The following PCDHGB1 variants were observed in gnomAD, a reference collection of about 807,000 sequenced individuals.
PCDHGB1 encodes the protein protocadherin gamma-B1.
A neutral mutation model predicts 56.6 loss-of-function variants in PCDHGB1; 34 were observed. The observed-to-expected ratio is 0.60, with a 90% confidence interval of 0.46 to 0.80. The LOEUF (loss-of-function observed/expected upper bound fraction) is 0.80. Ranked by LOEUF, PCDHGB1 falls within the 30% of genes least tolerant of loss-of-function variation. PCDHGB1 has a pLI of 0.00. For synonymous variants in PCDHGB1, 561 were observed against 505.9 expected (o/e 1.11, Z -1.46); for missense variants, 1,278 against 1,204.6 (o/e 1.06, Z -0.90).
intron 1 of PCDHGB1, among the ~76,000 whole-genome samples, chr5:141,359,677 A>G (rs1169406824): frequency 6.6e-6 from 1 of 152,110 alleles, no homozygotes; most frequent in Non-Finnish European, 1.5e-5. Flanking sequence ...CCGTTGCCCT[A>G]TACAAGACAT....
At chr5:141,453,989 A>T (rs902043628) in intron 1 of PCDHGB1, among the ~76,000 whole-genome samples, 6 of 152,256 alleles carry the variant, frequency 3.9e-5, no homozygotes, top group African/African-American at 1.4e-4. Context: ...CCTTCCAGTG[A>T]TAAACCCACA....
rs778323048 is a variant in PCDHGB1, at chr5:141,357,701, A to G, written c.2409+5032A>G. ...GTAAATGTCTCTCATTTTATATGTA[A>G]TATATCAAATAAAGTTGCCTCTTTT... On this transcript the variant is annotated intron_variant, in intron 1 of 3. Transcript: ENST00000523390. 15 of 1,500,732 alleles carry G rather than the reference A, an allele frequency of 1.0e-5. No homozygotes were observed. The East Asian group carries it at 3.3e-4, about 33-fold the overall frequency. The allele number at this position is 1,500,732 out of a possible 1,614,324, so 93.0% of individuals were successfully genotyped here. A position where few individuals can be genotyped will look rare whatever the true frequency, so the allele number is the denominator to read the frequency against.
At chr5:141,407,336 G>C (rs1005803062) in intron 1 of PCDHGB1, among the ~76,000 whole-genome samples, 1 of 152,124 alleles carries the variant, frequency 6.6e-6, no homozygotes, top group South Asian at 2.1e-4. Context: ...ATATTGAAAT[G>C]TATGTTAATT....
chr5:141,423,562 A>C (rs374427537), intron 1 of PCDHGB1: 1 of 1,613,612 alleles, frequency 6.2e-7, no homozygotes, highest in African/African-American at 1.3e-5. Context: ...CTATGGGGAC[A>C]CGCTCATCAG....
Position 141,487,106 on chromosome 5 carries a change from A to G in PCDHGB1, c.2410-7701A>G, listed in dbSNP as rs777727830. ...TGACCTCCCACCACAGAAGCTGGTC[A>G]TTGTGGTAAAGGATAGTGGTAGTCC... On this transcript the variant is annotated intron_variant, in intron 1 of 3. Transcript: ENST00000523390. The surrounding 1 kb of genome is among the most constrained non-coding windows in gnomAD (Gnocchi z 5.0). 1 of 1,613,902 alleles carries G rather than the reference A, an allele frequency of 6.2e-7. No individual in the cohort carries two copies. The highest frequency in any genetic ancestry group is 1.3e-5 in the African/African-American group (1 of 75,028).
At chr5:141,413,956 G>C in intron 1 of PCDHGB1, 11 of 1,613,484 alleles carry the variant, frequency 6.8e-6, no homozygotes, top group Non-Finnish European at 9.3e-6. Context: ...GAATTTGCCT[G>C]TGGGCACTCA....
At chr5:141,497,050 G>T (rs113054804) in intron 2 of PCDHGB1, among the ~76,000 whole-genome samples, 5,544 of 152,084 alleles carry the variant, frequency 0.036, 137 homozygotes, top group South Asian at 0.074. Context: ...TTAGCCAGGC[G>T]TGGTGGCAGG....
rs200533514 is a variant in PCDHGB1 at position 141,476,315 on chromosome 5, C to T, written c.2410-18492C>T. On this transcript the variant is annotated intron_variant, in intron 1 of 3. Transcript: ENST00000523390. This position sits in a 1 kb window ranked among gnomAD's most constrained non-coding sequence, Gnocchi z 7.6. The stretch of plus-strand genomic sequence containing the variant: ...CGGTAGCCTCTCAGCCCGCAGGTTC[C>T]GGGTGGTGTCTGGAGCTAGCCGAAG... 264 of 1,613,910 alleles carry T rather than the reference C, an allele frequency of 1.6e-4. No homozygotes were observed. The highest frequency in any genetic ancestry group is 2.1e-4 in the Non-Finnish European group (248 of 1,180,024).
chr5:141,435,467 G>A (rs1019246812), intron 1 of PCDHGB1, among the ~76,000 whole-genome samples: 3 of 152,146 alleles, frequency 2.0e-5, no homozygotes, highest in Non-Finnish European at 2.9e-5. Context: ...GTGTTTCCAA[G>A]TTAGACATTT....
chr5:141,390,097 C>T, intron 1 of PCDHGB1: 1 of 1,614,026 alleles, frequency 6.2e-7, no homozygotes, highest in Non-Finnish European at 8.5e-7. Context: ...TCCGTGGTTC[C>T]CCCCAACTAC....
intron 1 of PCDHGB1, chr5:141,377,698 A>G (rs1274163537): frequency 6.6e-6 from 1 of 152,230 alleles, no homozygotes; most frequent in Non-Finnish European, 1.5e-5. Context: ...TTTACTACTT[A>G]GGAATCAAAA....
chr5:141,455,254 G>T (rs936599726), intron 1 of PCDHGB1, among the ~76,000 whole-genome samples: 3 of 151,732 alleles, frequency 2.0e-5, no homozygotes, highest in African/African-American at 7.3e-5. Context: ...TAGTACAATC[G>T]CATTTCTTCC....
Position 141,486,567 on chromosome 5 carries a change from C to T in PCDHGB1, c.2410-8240C>T, listed in dbSNP as rs1562113360. On this transcript the variant is annotated intron_variant, in intron 1 of 3. Transcript: ENST00000523390. The surrounding 1 kb of genome is among the most constrained non-coding windows in gnomAD (Gnocchi z 5.0). ...CAGAGGTCACATGAGGTGTTTGTTCCTGAGAACAATCGCCCAGGGGACCTG... is the reference window on the plus strand; with the variant it reads ...CAGAGGTCACATGAGGTGTTTGTTCTTGAGAACAATCGCCCAGGGGACCTG... The T allele has an allele frequency of 6.2e-7, 1 of 1,613,918 alleles. No homozygotes were observed. The highest frequency in any genetic ancestry group is 8.5e-7 in the Non-Finnish European group (1 of 1,179,986).
Position 141,399,184 on chromosome 5 carries a change from C to T in PCDHGB1, c.2409+46515C>T, listed in dbSNP as rs1398440525. The T allele has an allele frequency of 1.9e-6, 3 of 1,613,746 alleles. No individual in the cohort carries two copies. In the African/African-American group the frequency reaches 4.0e-5, roughly 22 times the overall value. On this transcript the variant is annotated intron_variant, in intron 1 of 3. Coordinates refer to ENST00000523390, the MANE Select transcript of PCDHGB1 (RefSeq NM_018922.3). The stretch of plus-strand genomic sequence containing the variant: ...ATTCCATTCTCTACTTGAAATGATT[C>T]TGGAAAACGCGGTGCCTGGAACACT...
At chr5:141,402,912 G>T (rs373067478) in intron 1 of PCDHGB1, 319 of 1,553,994 alleles carry the variant, frequency 2.1e-4, no homozygotes, top group East Asian at 2.5e-4. Flanking sequence ...GAAGCAGCGC[G>T]CACAGAGATC....
In PCDHGB1 at chr5:141,357,783, T is replaced by G. The variant is rs148673110; in HGVS notation, c.2409+5114T>G. 4.8e-3 allele frequency: 4,076 copies of G among 849,618 alleles called. 24 individuals carry two copies. The highest frequency in any genetic ancestry group is 0.011 in the Admixed American group (355 of 33,800). 52.6% of individuals were successfully genotyped at this position (849,618 alleles called of 1,614,324 possible). A position where few individuals can be genotyped will look rare whatever the true frequency, so the allele number is the denominator to read the frequency against. ...ATGACCTTCCAATAATGATCAACAG[T>G]ATTTACCACACAAAAATGTTGTTTA... On this transcript the variant is annotated intron_variant, in intron 1 of 3. Transcript: ENST00000523390.
intron 1 of PCDHGB1, chr5:141,395,039 T>A: frequency 6.2e-7 from 1 of 1,614,020 alleles, no homozygotes; most frequent in Non-Finnish European, 8.5e-7. Context: ...ATTTTGTGGG[T>A]GTTGAGGAGG....
At chr5:141,454,685 C>A (rs1305853379) in intron 1 of PCDHGB1, among the ~76,000 whole-genome samples, 1 of 151,844 alleles carries the variant, frequency 6.6e-6, no homozygotes, top group Non-Finnish European at 1.5e-5. Context: ...GGATTACAGG[C>A]ATGAGCCACC....
intron 1 of PCDHGB1, chr5:141,383,506 G>A: frequency 6.2e-7 from 1 of 1,612,872 alleles, no homozygotes; most frequent in Non-Finnish European, 8.5e-7. Flanking sequence ...GCTGGACCGG[G>A]AGGAAGAGCG....
Sources: allele counts gnomAD v4.1 joint callset (sites outside exome capture counted in the v4.1 genomes callset), GRCh38; gene constraint gnomAD v4.1.1; non-coding constraint Gnocchi (gnomAD v3.1); transcripts MANE v1.5; gene names NCBI Gene and HGNC (gene_info 2026-07-23, HGNC 2026-07-21).